ERG: variants seen among roughly 807,000 people sequenced by gnomAD.
ERG encodes the protein transcriptional regulator ERG.
In ERG, 9 loss-of-function variants were observed where a neutral mutation model predicts 55.3. The ratio of observed to expected loss-of-function variants is 0.16; its 90% CI spans 0.10 to 0.28. The LOEUF (loss-of-function observed/expected upper bound fraction) is 0.28. Among genes scored for constraint, ERG ranks in the 10% least tolerant of loss-of-function variants. The pLI is 1.00. For missense variants in ERG, 434 were observed against 631.6 expected, an observed-to-expected ratio of 0.69 and a Z score of 3.35; for synonymous variants, 223 against 237.3, an observed-to-expected ratio of 0.94 and a Z score of 0.55.
intron 2 of ERG, among the ~76,000 whole-genome samples, chr21:38,534,032 A>G (rs766552276): frequency 6.6e-6 from 1 of 152,120 alleles, no homozygotes; most frequent in South Asian, 2.1e-4. Flanking sequence ...CACTTATACT[A>G]AACACTTCAC....
the ERG span, among the ~76,000 whole-genome samples, chr21:38,371,826 T>TA: frequency 6.6e-6 from 1 of 152,078 alleles, no homozygotes; most frequent in Non-Finnish European, 1.5e-5. Flanking sequence ...TTTGTACTGT[T>TA]ATTGTTTTTG....
chr21:38,533,377 T>A (rs1157444515), intron 2 of ERG, among the ~76,000 whole-genome samples: 1 of 152,222 alleles, frequency 6.6e-6, no homozygotes, highest in Admixed American at 6.5e-5. Context: ...ACATAAATGA[T>A]CAAAGACTTT....
At chr21:38,428,962 T>C (rs1379031508) in intron 2 of ERG, among the ~76,000 whole-genome samples, 1 of 152,068 alleles carries the variant, frequency 6.6e-6, no homozygotes, top group Non-Finnish European at 1.5e-5. Context: ...TAGTGGTGAT[T>C]TCTGAGATTT....
rs189431660 is a variant in ERG, at chr21:38,449,547, T to C, written c.19-3926A>G. The stretch of plus-strand genomic sequence containing the variant: ...TCATATTATAACTCTAAAATATGCA[T>C]CTATTTTCAAGTAACTAGAGTACAA... On this transcript the variant is annotated intron_variant, in intron 1 of 9. Coordinates refer to ENST00000288319, the MANE Select transcript of ERG (RefSeq NM_182918.4). Among the ~76,000 whole-genome samples the C allele has an allele frequency of 2.6e-5, 4 of 152,304 alleles. No individual in the cohort carries two copies. The East Asian group carries it at 7.7e-4, about 29-fold the overall frequency.
intron 2 of ERG, among the ~76,000 whole-genome samples, chr21:38,509,510 CT>C (rs1445802920): frequency 1.3e-5 from 2 of 152,264 alleles, no homozygotes; most frequent in East Asian, 3.9e-4. Context: ...CTTTTCCACC[CT>C]TTTTCTTTCT....
intron 3 of ERG, among the ~76,000 whole-genome samples, chr21:38,407,613 C>A (rs1343247398): frequency 8.6e-6 from 1 of 116,020 alleles, no homozygotes. Flanking sequence ...TTTTCAAAGC[C>A]AAAACATGGT....
intron 2 of ERG, among the ~76,000 whole-genome samples, chr21:38,551,481 G>C (rs185572094): frequency 2.3e-3 from 344 of 152,152 alleles, no homozygotes; most frequent in South Asian, 3.7e-3. Flanking sequence ...TGATATCAGT[G>C]TTTAGTGCTA....
intron 1 of ERG, among the ~76,000 whole-genome samples, chr21:38,647,938 T>C (rs1469504404): frequency 1.3e-5 from 2 of 152,216 alleles, no homozygotes; most frequent in African/African-American, 4.8e-5. Context: ...AGCAGATGAT[T>C]ATGTTTATTT....
intron 3 of ERG, among the ~76,000 whole-genome samples, chr21:38,407,076 C>A (rs1444739998): frequency 6.6e-6 from 1 of 152,130 alleles, no homozygotes; most frequent in East Asian, 1.9e-4. Context: ...AACAATACAA[C>A]ACAACAATAC....
intron 2 of ERG, among the ~76,000 whole-genome samples, chr21:38,571,559 G>C (rs557001487): frequency 6.6e-6 from 1 of 151,388 alleles, no homozygotes; most frequent in African/African-American, 2.4e-5. Context: ...TTTAAAAAAG[G>C]TACCTGGAAC....
chr21:38,416,121 A>G (rs989878219), intron 3 of ERG, among the ~76,000 whole-genome samples: 4 of 152,146 alleles, frequency 2.6e-5, no homozygotes, highest in Admixed American at 2.6e-4. Flanking sequence ...GTCCTCTAAC[A>G]CTCTGAGAAC....
chr21:38,647,492 A>G (rs1048782258), intron 1 of ERG, among the ~76,000 whole-genome samples: 1 of 152,228 alleles, frequency 6.6e-6, no homozygotes, highest in African/African-American at 2.4e-5. Context: ...GTACTAAAAC[A>G]GTATATCTGT....
rs560835617 is a variant in ERG, at chr21:38,579,396, G to A, written c.-126-3649C>T. Among the ~76,000 whole-genome samples, 7 of 152,262 alleles carry A rather than the reference G, an allele frequency of 4.6e-5. No homozygotes were observed. The South Asian group carries it at 1.4e-3, about 32-fold the overall frequency. On this transcript the variant is annotated intron_variant, in intron 1 of 8. Coordinates refer to the ERG transcript ENST00000398897. ...TCCTGATCCTTGAGGGATCGAGATGGGAAACAGATCTGTTTCATACAGATA... is the reference window on the plus strand; with the variant it reads ...TCCTGATCCTTGAGGGATCGAGATGAGAAACAGATCTGTTTCATACAGATA...
chr21:38,538,086 G>A (rs1031715499), intron 2 of ERG, among the ~76,000 whole-genome samples: 13 of 152,298 alleles, frequency 8.5e-5, no homozygotes, highest in Non-Finnish European at 1.9e-4. Context: ...GACAAATGCT[G>A]TACGATTCCA....
At chr21:38,395,730 T>TG (rs1988180548) in intron 6 of ERG, 1 of 169,766 alleles carries the variant, frequency 5.9e-6, no homozygotes, top group African/African-American at 2.4e-5. Flanking sequence ...AGCAACTGTG[T>TG]CGATTTCCTG....
At chr21:38,493,232 C>G (rs540174057) in intron 1 of ERG, among the ~76,000 whole-genome samples, 2 of 152,068 alleles carry the variant, frequency 1.3e-5, no homozygotes, top group African/African-American at 4.8e-5. Flanking sequence ...ACATCGCAAG[C>G]AGCATCACTT....
intron 1 of ERG, among the ~76,000 whole-genome samples, chr21:38,599,626 G>A (rs115104625): frequency 0.047 from 7,104 of 152,280 alleles, 551 homozygotes; most frequent in African/African-American, 0.16. Flanking sequence ...CCCCAGAGGC[G>A]TTTCCGATGC....
intron 2 of ERG, among the ~76,000 whole-genome samples, chr21:38,557,496 T>C (rs974552870): frequency 1.3e-5 from 2 of 152,150 alleles, no homozygotes; most frequent in Admixed American, 6.5e-5. Context: ...CCCGGACTTC[T>C]GGGACCAACC....
At chr21:38,619,886 C>G (rs946269826) in intron 1 of ERG, among the ~76,000 whole-genome samples, 3 of 152,210 alleles carry the variant, frequency 2.0e-5, no homozygotes, top group African/African-American at 7.2e-5. Flanking sequence ...AGGTTATGGT[C>G]TAATTGCCTG....
Sources: gnomAD v4.1 joint callset for allele counts (sites outside exome capture counted in the v4.1 genomes callset) on GRCh38, gnomAD v4.1.1 for gene constraint, MANE v1.5 for transcripts, NCBI Gene and HGNC (gene_info 2026-07-23, HGNC 2026-07-21) for gene names.